TTLL7: variants seen among roughly 807,000 people sequenced by gnomAD.
TTLL7 encodes tubulin tyrosine ligase like 7, also known as tubulin polyglutamylase TTLL7.
A neutral mutation model predicts 120.2 loss-of-function variants in TTLL7; 53 were observed. The ratio of observed to expected loss-of-function variants is 0.44; its 90% CI spans 0.35 to 0.55. TTLL7 has a LOEUF of 0.55. Ranked by LOEUF, TTLL7 falls within the 20% of genes least tolerant of loss-of-function variation. TTLL7 has a pLI of 0.00. For missense variants in TTLL7, 803 were observed against 1,054.7 expected (o/e 0.76, Z 3.31); for synonymous variants, 353 against 351.7 (o/e 1.00, Z -0.04).
At chr1:83,914,394 C>T (rs1054481069) in intron 14 of TTLL7, among the ~76,000 whole-genome samples, 7 of 135,186 alleles carry the variant, frequency 5.2e-5, no homozygotes, top group East Asian at 2.2e-4. Context: ...TGCAGTGGCG[C>T]GATCTTGGCT....
In TTLL7 at chr1:83,933,750, G is replaced by T; in HGVS notation, c.905C>A (p.Thr302Asn). The T allele has an allele frequency of 6.2e-7, 1 of 1,609,536 alleles. No individual in the cohort carries two copies. The highest frequency in any genetic ancestry group is 8.5e-7 in the Non-Finnish European group (1 of 1,178,430). ...GACATGAGGTTCTGCTACAATCAGG[G>T]TCTTTACCACCAATTCCTATAAGAT... ...WSDISELVVK[T>N]LIVAEPHVLH... The change falls in exon 9 of 21, where the codon ACC (threonine) becomes AAC (asparagine). Residue 302 changes from threonine (T) to asparagine (N), a missense_variant. Around this residue, in one of 3 missense-constraint regions of TTLL7, gnomAD observed 324 missense variants for 507.7 expected, o/e 0.64. Transcript: ENST00000260505.
intron 1 of TTLL7, among the ~76,000 whole-genome samples, chr1:83,964,779 A>T (rs2100549958): frequency 6.6e-6 from 1 of 152,260 alleles, no homozygotes; most frequent in East Asian, 1.9e-4. Context: ...ATGACAGTTG[A>T]CCCTAGGTAT....
rs2100830606 is a variant in TTLL7, at chr1:83,936,926, C to A, written c.888+926G>T. 2.6e-5 allele frequency among the ~76,000 whole-genome samples: 4 copies of A among 152,308 alleles called. No individual in the cohort carries two copies. In the Middle Eastern group the frequency reaches 0.014, roughly 518 times the overall value. On this transcript the variant is annotated intron_variant, in intron 8 of 20. Coordinates refer to ENST00000260505, the MANE Select transcript of TTLL7 (RefSeq NM_024686.6). Reference sequence around the variant, plus strand: ...AGTTCCCAGAACATCCTAGTTTCTTCTATCCAGAGACCACTTCACTCCTTC... The same window carrying A: ...AGTTCCCAGAACATCCTAGTTTCTTATATCCAGAGACCACTTCACTCCTTC...
intron 6 of TTLL7, among the ~76,000 whole-genome samples, chr1:83,946,877 T>C (rs1648555790): frequency 1.3e-5 from 2 of 152,218 alleles, no homozygotes; most frequent in Admixed American, 1.3e-4. Flanking sequence ...TTTCCCCTTA[T>C]ATTTTGTTAT....
Position 83,933,716 on chromosome 1 carries a change from G to C in TTLL7, c.939C>G (p.Ala313=). The change falls in exon 9 of 21, where the codon GCC becomes GCG. Residue 313 remains alanine (A), a synonymous_variant. Transcript: ENST00000260505. The part of the protein sequence containing the change: ...LIVAEPHVLH[A]YRMCRPGQPP... ...GTTGACCAGGTCTACACATTCGATA[G>C]GCATGCAGGACATGAGGTTCTGCTA... 6.2e-7 allele frequency: 1 copy of C among 1,613,488 alleles called. No individual in the cohort carries two copies. The highest frequency in any genetic ancestry group is 8.5e-7 in the Non-Finnish European group (1 of 1,179,604).
intron 1 of TTLL7, among the ~76,000 whole-genome samples, chr1:83,989,370 T>C (rs1367198366): frequency 6.6e-6 from 1 of 152,196 alleles, no homozygotes; most frequent in Non-Finnish European, 1.5e-5. Flanking sequence ...GGTGTCCAGT[T>C]TCATTTTTCT....
rs1171205802 is a variant in TTLL7, at chr1:83,907,658, G to A, written c.1790C>T (p.Ser597Phe). 1 of 1,612,162 alleles carries A rather than the reference G, an allele frequency of 6.2e-7. No individual in the cohort carries two copies. ...AGGGCAGCTGACTGAACGTCTTATG[G>A]AGCCTATCAGTGATGGAGAAGAGGG... ...NHYKLIQQPSSIRRSVSCPRS... is the reference protein window; with the variant it reads ...NHYKLIQQPSFIRRSVSCPRS... The change falls in exon 16 of 21, where the codon TCC (serine) becomes TTC (phenylalanine). Residue 597 changes from serine (S) to phenylalanine (F), a missense_variant. Physicochemically the swap from Ser to Phe is radical, Grantham distance 155. Transcript: ENST00000260505.
chr1:83,993,971 T>G (rs1354693240), intron 1 of TTLL7, among the ~76,000 whole-genome samples: 1 of 152,234 alleles, frequency 6.6e-6, no homozygotes, highest in African/African-American at 2.4e-5. Context: ...AAATATTTGC[T>G]AAGCTCACTT....
chr1:83,899,681 T>C (rs1057249160), intron 18 of TTLL7, among the ~76,000 whole-genome samples: 4 of 151,642 alleles, frequency 2.6e-5, no homozygotes, highest in Non-Finnish European at 4.4e-5. Context: ...CACAAATACA[T>C]CGCAAGCACA....
At chr1:83,949,241 C>T (rs7531537) in intron 4 of TTLL7, 65,965 of 151,866 alleles carry the variant, frequency 0.43, 15,651 homozygotes, top group Non-Finnish European at 0.54. Context: ...AGTATTTCTG[C>T]ATCCTGGTCT....
At chr1:83,992,907 T>A (rs1219160716) in intron 1 of TTLL7, among the ~76,000 whole-genome samples, 1 of 150,512 alleles carries the variant, frequency 6.6e-6, no homozygotes, top group Non-Finnish European at 1.5e-5. Flanking sequence ...TAGACTAAGA[T>A]GTGTGCTAAA....
At chr1:83,915,341 G>A (rs1206178333) in intron 14 of TTLL7, among the ~76,000 whole-genome samples, 1 of 152,038 alleles carries the variant, frequency 6.6e-6, no homozygotes, top group African/African-American at 2.4e-5. Context: ...AATGCCGCAG[G>A]TCTACAACTA....
intron 14 of TTLL7, among the ~76,000 whole-genome samples, chr1:83,916,932 AAAG>A (rs1314240515): frequency 3.9e-5 from 6 of 152,010 alleles, no homozygotes; most frequent in African/African-American, 1.4e-4. Context: ...TCTTTAAAAA[AAAG>A]AAGAATTTTT....
intron 1 of TTLL7, among the ~76,000 whole-genome samples, chr1:83,995,176 CA>C (rs1653370161): frequency 6.6e-6 from 1 of 152,034 alleles, no homozygotes; most frequent in Non-Finnish European, 1.5e-5. Flanking sequence ...GAGCCACAGA[CA>C]AGATTGGGTG....
At chr1:83,960,366 A>T (rs882897) in intron 1 of TTLL7, among the ~76,000 whole-genome samples, 71,907 of 151,994 alleles carry the variant, frequency 0.47, 18,191 homozygotes, top group Non-Finnish European at 0.57. Flanking sequence ...AAGAGAGAGA[A>T]GATAAGAGCT....
intron 18 of TTLL7, among the ~76,000 whole-genome samples, chr1:83,892,926 AAGAG>A (rs1395743318): frequency 2.9e-5 from 1 of 35,032 alleles, no homozygotes; most frequent in Non-Finnish European, 5.5e-5. Context: ...AAGAAAGAAA[AAGAG>A]AAAGAAAGAA....
chr1:83,926,113 C>CA (rs35184491), intron 10 of TTLL7, among the ~76,000 whole-genome samples: 45,863 of 126,916 alleles, frequency 0.36, 7,392 homozygotes, highest in Admixed American at 0.4. Flanking sequence ...GACTCTGTCT[C>CA]AAAAAAAAAA....
chr1:83,931,899 C>T (rs1176153800), intron 9 of TTLL7, among the ~76,000 whole-genome samples: 1 of 152,080 alleles, frequency 6.6e-6, no homozygotes, highest in Non-Finnish European at 1.5e-5. Flanking sequence ...TTAGCCCCAC[C>T]AAAATATCAG....
chr1:83,905,721 A>G (rs2100760505), intron 17 of TTLL7, among the ~76,000 whole-genome samples: 1 of 152,152 alleles, frequency 6.6e-6, no homozygotes, highest in Admixed American at 6.6e-5. Context: ...CACAAAAATT[A>G]TCTGAAATAA....
Sources: allele counts gnomAD v4.1 joint callset (sites outside exome capture counted in the v4.1 genomes callset), GRCh38; gene constraint gnomAD v4.1.1; regional missense constraint gnomAD v4.1.1; transcripts MANE v1.5; gene names NCBI Gene and HGNC (gene_info 2026-07-23, HGNC 2026-07-21).